EPB41L3: variants seen among roughly 807,000 people sequenced by gnomAD.
EPB41L3 encodes the protein band 4.1-like protein 3.
EPB41L3 carries 57 observed loss-of-function variants against 127.1 expected under a neutral mutation model. The observed-to-expected ratio is 0.45, with a 90% CI of 0.36 to 0.56. The LOEUF (loss-of-function observed/expected upper bound fraction) is 0.56. Among genes scored for constraint, EPB41L3 ranks in the 20% least tolerant of loss-of-function variants. The probability of loss-of-function intolerance (pLI) is 0.00; values close to 1 mark genes in which losing one functional copy is unlikely to be tolerated. For synonymous variants in EPB41L3, 572 were observed against 549.5 expected (o/e 1.04, Z -0.57); for missense variants, 1,273 against 1,372.2 (o/e 0.93, Z 1.14).
chr18:5,568,938 TAAG>T (rs544488625), intron 3 of EPB41L3, among the ~76,000 whole-genome samples: 4 of 152,336 alleles, frequency 2.6e-5, no homozygotes, highest in African/African-American at 9.6e-5. Flanking sequence ...CATTAAAACT[TAAG>T]AAACTATTTG....
At chr18:5,395,224 G>A (rs2073168199) in intron 20 of EPB41L3, 77 bp from the exon 21 acceptor site, 15 of 1,179,876 alleles carry the variant, frequency 1.3e-5, no homozygotes, top group East Asian at 9.3e-5. Flanking sequence ...GGAAATGGCC[G>A]AAGATGCTGA....
At chr18:5,522,594 T>C (rs2093039522) in intron 1 of EPB41L3, among the ~76,000 whole-genome samples, 1 of 152,188 alleles carries the variant, frequency 6.6e-6, no homozygotes, top group African/African-American at 2.4e-5. Context: ...CTTAAAAATA[T>C]ACAAATACAG....
chr18:5,562,900 T>C (rs2094151822), intron 3 of EPB41L3, among the ~76,000 whole-genome samples: 1 of 152,216 alleles, frequency 6.6e-6, no homozygotes, highest in Non-Finnish European at 1.5e-5. Flanking sequence ...TAAGTAGCAG[T>C]AACACAGAGA....
At chr18:5,487,897 G>A (rs2090037008) in intron 2 of EPB41L3, among the ~76,000 whole-genome samples, 1 of 151,652 alleles carries the variant, frequency 6.6e-6, no homozygotes, top group Non-Finnish European at 1.5e-5. Flanking sequence ...TCACTAATAT[G>A]CTGATTATAT....
upstream of EPB41L3, among the ~76,000 whole-genome samples, chr18:5,629,724 G>T (rs1289009128): frequency 6.6e-6 from 1 of 152,096 alleles, no homozygotes; most frequent in African/African-American, 2.4e-5. Flanking sequence ...GAGAGCCCGC[G>T]CTCACTCCTG....
chr18:5,585,797 T>C (rs180968803), intron 3 of EPB41L3, among the ~76,000 whole-genome samples: 10 of 152,290 alleles, frequency 6.6e-5, no homozygotes, highest in African/African-American at 1.4e-4. Context: ...TGGGAGACAC[T>C]ATGAAGACTA....
At chr18:5,524,661 C>A (rs1184222907) in intron 1 of EPB41L3, among the ~76,000 whole-genome samples, 1 of 152,214 alleles carries the variant, frequency 6.6e-6, no homozygotes, top group Non-Finnish European at 1.5e-5. Flanking sequence ...CTCTTCTTGG[C>A]ATCTTGCTCT....
At chr18:5,438,945 T>C (rs983346262) in intron 5 of EPB41L3, among the ~76,000 whole-genome samples, 11 of 152,328 alleles carry the variant, frequency 7.2e-5, no homozygotes, top group African/African-American at 2.4e-4. Flanking sequence ...CTAACTCTAA[T>C]TGTATATGGT....
At chr18:5,609,014 A>G (rs1036250738) in intron 3 of EPB41L3, among the ~76,000 whole-genome samples, 5 of 152,206 alleles carry the variant, frequency 3.3e-5, no homozygotes, top group Admixed American at 3.3e-4. Context: ...ACCAATGCCA[A>G]ATTTCATGCT....
chr18:5,577,819 T>A lies in EPB41L3; in HGVS notation c.-306+34521A>T, dbSNP rs146109734. Reference sequence around the variant, plus strand: ...TCCTTATCTTTCACAATTGTCATATTAATACACATTTTGAACATCTACAGA... The same window carrying A: ...TCCTTATCTTTCACAATTGTCATATAAATACACATTTTGAACATCTACAGA... On this transcript the variant is annotated intron_variant, in intron 3 of 21. Coordinates refer to the EPB41L3 transcript ENST00000545076. 1.1e-3 allele frequency among the ~76,000 whole-genome samples: 163 copies of A among 152,342 alleles called. 3 individuals are homozygous for A. In the East Asian group the frequency reaches 0.028, roughly 26 times the overall value.
chr18:5,517,471 C>CTG (rs1043896793), intron 1 of EPB41L3, among the ~76,000 whole-genome samples: 2 of 152,124 alleles, frequency 1.3e-5, no homozygotes, highest in Non-Finnish European at 2.9e-5. Flanking sequence ...GAGTCTCACT[C>CTG]TGTTACCCAG....
At chr18:5,395,361 C>A (rs2073202327) in intron 20 of EPB41L3, among the ~76,000 whole-genome samples, 2 of 152,224 alleles carry the variant, frequency 1.3e-5, no homozygotes, top group South Asian at 4.1e-4. Flanking sequence ...AACACTACCA[C>A]ATGCCAAGCA....
chr18:5,628,879 G>A (rs1431629923), intron 1 of EPB41L3: 1 of 151,746 alleles, frequency 6.6e-6, no homozygotes, highest in African/African-American at 2.4e-5. Flanking sequence ...AGCCCCTGAC[G>A]CGCCCGGGGC....
intron 3 of EPB41L3, among the ~76,000 whole-genome samples, chr18:5,555,647 C>T (rs1264965884): frequency 5.3e-5 from 8 of 152,154 alleles, no homozygotes; most frequent in African/African-American, 1.4e-4. Flanking sequence ...CTTAAATAAT[C>T]TCTGGGCTCT....
intron 1 of EPB41L3, among the ~76,000 whole-genome samples, chr18:5,527,464 C>T (rs1231431610): frequency 2.7e-4 from 41 of 152,284 alleles, no homozygotes; most frequent in African/African-American, 8.9e-4. Flanking sequence ...TTTTAAACGA[C>T]TCTTTCATTT....
intron 16 of EPB41L3, chr18:5,399,993 T>C (rs2074232122): frequency 6.6e-6 from 1 of 152,654 alleles, no homozygotes; most frequent in African/African-American, 2.4e-5. Context: ...TACAGTGATC[T>C]GTACAGTGTT....
intron 5 of EPB41L3, among the ~76,000 whole-genome samples, chr18:5,441,523 T>C (rs1460477779): frequency 6.6e-6 from 1 of 151,100 alleles, no homozygotes; most frequent in Admixed American, 6.6e-5. Context: ...TGGAGCGCAG[T>C]GGCGCGATCT....
In EPB41L3 at chr18:5,473,013, G is replaced by A. The variant is rs77567581; in HGVS notation, c.381+5228C>T. Among the ~76,000 whole-genome samples the A allele has an allele frequency of 5.7e-4, 87 of 152,270 alleles. No homozygotes were observed. The East Asian group carries it at 0.016, about 29-fold the overall frequency. On this transcript the variant is annotated intron_variant, in intron 3 of 22. Transcript: ENST00000341928. The stretch of plus-strand genomic sequence containing the variant: ...CTTCAGATTCCAGGCCTATCCTGGA[G>A]GGATCTAAATTGTCCTCAGTTACTG...
At chr18:5,405,924 T>C (rs938540214) in intron 16 of EPB41L3, among the ~76,000 whole-genome samples, 2 of 151,820 alleles carry the variant, frequency 1.3e-5, no homozygotes, top group Admixed American at 6.6e-5. Context: ...AAACATCTAC[T>C]AGGAACCGAT....
Sources: allele counts gnomAD v4.1 joint callset (sites outside exome capture counted in the v4.1 genomes callset), GRCh38; gene constraint gnomAD v4.1.1; transcripts MANE v1.5; gene names NCBI Gene and HGNC (gene_info 2026-07-23, HGNC 2026-07-21).